SMYD3: variants seen among roughly 807,000 people sequenced by gnomAD.
SMYD3 encodes SET and MYND domain containing 3, also known as histone-lysine N-methyltransferase SMYD3.
In SMYD3, 36 loss-of-function variants were observed where a neutral mutation model predicts 57.7. The observed-to-expected ratio is 0.62, with a 90% CI of 0.48 to 0.82. The LOEUF (loss-of-function observed/expected upper bound fraction) is 0.82, where lower values mean the gene tolerates loss of function less well. Ranked by LOEUF, SMYD3 falls within the 40% of genes least tolerant of loss-of-function variation. The pLI, the probability that SMYD3 is intolerant of heterozygous loss-of-function variation, is 0.00. For synonymous variants in SMYD3, 211 were observed against 195.0 expected (o/e 1.08, Z -0.68); for missense variants, 515 against 538.8 (o/e 0.96, Z 0.44).
At chr1:246,222,494 A>G (rs1025112007) in intron 5 of SMYD3, among the ~76,000 whole-genome samples, 1 of 152,134 alleles carries the variant, frequency 6.6e-6, no homozygotes, top group Non-Finnish European at 1.5e-5. Flanking sequence ...TGAACACGCA[A>G]GCACAGTGAG....
At chr1:246,266,305 C>A (rs2064105641) in intron 5 of SMYD3, among the ~76,000 whole-genome samples, 1 of 152,110 alleles carries the variant, frequency 6.6e-6, no homozygotes, top group South Asian at 2.1e-4. Flanking sequence ...AATCGGGCAA[C>A]TTTATATTCA....
chr1:246,455,193 G>A (rs1009299945), intron 1 of SMYD3, among the ~76,000 whole-genome samples: 2 of 152,064 alleles, frequency 1.3e-5, no homozygotes, highest in Non-Finnish European at 2.9e-5. Context: ...TCACTTTGTA[G>A]GGAGAGAAAA....
rs181951128 is a variant in SMYD3 at position 246,144,087 on chromosome 1, C to T, written c.531+183114G>A. Among the ~76,000 whole-genome samples the T allele has an allele frequency of 3.3e-3, 496 of 152,252 alleles. 3 individuals carry two copies. The highest frequency in any genetic ancestry group is 0.011 in the African/African-American group (467 of 41,538). On this transcript the variant is annotated intron_variant, in intron 5 of 11. Coordinates refer to ENST00000490107, the MANE Select transcript of SMYD3 (RefSeq NM_001167740.2). ...TACTTATAAGCTACTTACTGCAGCC[C>T]GGCAAGGCTCTCCTCACCTGGACGG...
At chr1:246,008,554 T>A (rs1000258188) in intron 5 of SMYD3, among the ~76,000 whole-genome samples, 2 of 152,166 alleles carry the variant, frequency 1.3e-5, no homozygotes, top group African/African-American at 2.4e-5. Flanking sequence ...TGACTATTTT[T>A]AAAATTTTGA....
intron 5 of SMYD3, among the ~76,000 whole-genome samples, chr1:246,129,664 A>C (rs866797677): frequency 2.0e-5 from 3 of 152,220 alleles, no homozygotes; most frequent in African/African-American, 7.2e-5. Context: ...ACATAAGGAA[A>C]GTAAAAACTC....
At chr1:246,278,850 G>A (rs529422982) in intron 5 of SMYD3, among the ~76,000 whole-genome samples, 1 of 152,128 alleles carries the variant, frequency 6.6e-6, no homozygotes, top group Non-Finnish European at 1.5e-5. Context: ...CAGAGGAGAA[G>A]ATACCTAAAT....
chr1:246,038,224 G>A (rs886873138), intron 5 of SMYD3, among the ~76,000 whole-genome samples: 5 of 151,922 alleles, frequency 3.3e-5, no homozygotes, highest in African/African-American at 4.8e-5. Flanking sequence ...CTTATTTTAC[G>A]TAGTGGAATT....
chr1:246,123,957 C>G (rs2061466005), intron 5 of SMYD3, among the ~76,000 whole-genome samples: 1 of 152,144 alleles, frequency 6.6e-6, no homozygotes, highest in Admixed American at 6.5e-5. Context: ...GTCTGTCATC[C>G]TTGTCACTAT....
chr1:246,462,314 T>C (rs144130521), intron 1 of SMYD3, among the ~76,000 whole-genome samples: 20 of 147,812 alleles, frequency 1.4e-4, no homozygotes, highest in Non-Finnish European at 1.6e-4. Context: ...CTGCTGGGTA[T>C]AGTGAATTCT....
intron 10 of SMYD3, among the ~76,000 whole-genome samples, chr1:245,856,930 G>C (rs1318248225): frequency 6.6e-6 from 1 of 152,214 alleles, no homozygotes; most frequent in Non-Finnish European, 1.5e-5. Flanking sequence ...CTGGAGTTCA[G>C]AGAGGTAACG....
At chr1:246,411,719 C>G (rs995280999) in intron 1 of SMYD3, among the ~76,000 whole-genome samples, 2 of 151,178 alleles carry the variant, frequency 1.3e-5, no homozygotes, top group African/African-American at 2.4e-5. Flanking sequence ...GCAATCTATC[C>G]CAAGGACAAA....
At chr1:245,791,577 C>A (rs964969507) in intron 10 of SMYD3, among the ~76,000 whole-genome samples, 5 of 138,420 alleles carry the variant, frequency 3.6e-5, no homozygotes, top group African/African-American at 1.4e-4. Flanking sequence ...GTTTATCTAC[C>A]TCTTAGGAAA....
chr1:246,173,657 T>G (rs1217647525), intron 5 of SMYD3, among the ~76,000 whole-genome samples: 1 of 152,152 alleles, frequency 6.6e-6, no homozygotes, highest in African/African-American at 2.4e-5. Flanking sequence ...GTCGGGGTCA[T>G]GAATAGCACT....
chr1:245,838,470 G>A (rs1167746714), intron 10 of SMYD3, among the ~76,000 whole-genome samples: 1 of 152,228 alleles, frequency 6.6e-6, no homozygotes, highest in Non-Finnish European at 1.5e-5. Context: ...GTGTGGCTTT[G>A]GGTGAGGTGC....
intron 5 of SMYD3, among the ~76,000 whole-genome samples, chr1:246,148,596 A>C (rs2061893966): frequency 6.6e-6 from 1 of 152,168 alleles, no homozygotes; most frequent in Non-Finnish European, 1.5e-5. Flanking sequence ...AGATCACATA[A>C]CACTATGATT....
At chr1:246,061,365 G>A (rs1180807522) in intron 5 of SMYD3, among the ~76,000 whole-genome samples, 1 of 152,142 alleles carries the variant, frequency 6.6e-6, no homozygotes, top group Non-Finnish European at 1.5e-5. Context: ...TGCTGATAGA[G>A]TTTCTTTAGG....
intron 5 of SMYD3, among the ~76,000 whole-genome samples, chr1:245,998,722 C>A (rs1171735947): frequency 6.6e-6 from 1 of 152,086 alleles, no homozygotes; most frequent in Non-Finnish European, 1.5e-5. Flanking sequence ...GTTCATCGAA[C>A]ATTATTCAAT....
chr1:246,295,902 G>C (rs2064784735), intron 5 of SMYD3, among the ~76,000 whole-genome samples: 1 of 152,184 alleles, frequency 6.6e-6, no homozygotes, highest in Non-Finnish European at 1.5e-5. Flanking sequence ...ATCCCCAAGG[G>C]AGGTATGAAT....
chr1:246,017,919 T>C (rs1381475934), intron 5 of SMYD3, among the ~76,000 whole-genome samples: 1 of 152,230 alleles, frequency 6.6e-6, no homozygotes, highest in East Asian at 1.9e-4. Flanking sequence ...CTGACTCCTA[T>C]GTCCTTCTGC....
Sources: gnomAD v4.1 joint callset for allele counts (sites outside exome capture counted in the v4.1 genomes callset) on GRCh38, gnomAD v4.1.1 for gene constraint, MANE v1.5 for transcripts, NCBI Gene and HGNC (gene_info 2026-07-23, HGNC 2026-07-21) for gene names.